Variants in LMBRD2 observed in about 807,000 individuals in gnomAD.
The protein encoded by LMBRD2 is G protein-coupled receptor-associated protein LMBRD2.
A neutral mutation model predicts 94.4 loss-of-function variants in LMBRD2; 55 were observed. The ratio of observed to expected loss-of-function variants is 0.58; its 90% confidence interval spans 0.47 to 0.73. The LOEUF (loss-of-function observed/expected upper bound fraction) is 0.73. Among genes scored for constraint, LMBRD2 ranks in the 30% least tolerant of loss-of-function variants. The pLI, the probability that LMBRD2 is intolerant of heterozygous loss-of-function variation, is 0.00. For missense variants in LMBRD2, 640 were observed against 831.9 expected, an observed-to-expected ratio of 0.77 and a Z score of 2.84; for synonymous variants, 246 against 272.4, an observed-to-expected ratio of 0.90 and a Z score of 0.95.
chr5:36,124,821 G>A (rs1423062459), intron 6 of LMBRD2, among the ~76,000 whole-genome samples: 5 of 152,228 alleles, frequency 3.3e-5, no homozygotes, highest in Non-Finnish European at 7.4e-5. Context: ...GGCTGAGACA[G>A]GTGGATCACT....
chr5:36,119,452 A>G (rs1031565139), intron 9 of LMBRD2, among the ~76,000 whole-genome samples: 3 of 152,092 alleles, frequency 2.0e-5, no homozygotes, highest in African/African-American at 7.2e-5. Context: ...TTCCTTCCTC[A>G]TGCAGCTCAG....
chr5:36,147,966 T>C (rs1744591133), intron 1 of LMBRD2: 3 of 297,202 alleles, frequency 1.0e-5, no homozygotes, highest in South Asian at 8.0e-5. Context: ...GATGAATCAT[T>C]AGGTTCCAAT....
intron 1 of LMBRD2, among the ~76,000 whole-genome samples, chr5:36,144,354 A>C (rs1744488240): frequency 6.6e-6 from 1 of 152,208 alleles, no homozygotes; most frequent in Non-Finnish European, 1.5e-5. Flanking sequence ...GAATTGATTA[A>C]TATCCTAACA....
At chr5:36,128,657 G>A (rs1290431744) in intron 6 of LMBRD2, among the ~76,000 whole-genome samples, 2 of 152,012 alleles carry the variant, frequency 1.3e-5, no homozygotes, top group African/African-American at 4.8e-5. Context: ...TCCAGGAGGT[G>A]GAGACTGCAG....
intron 4 of LMBRD2, chr5:36,140,906 G>C (rs957139294): frequency 2.0e-5 from 8 of 402,480 alleles, no homozygotes; most frequent in Non-Finnish European, 3.6e-5. Context: ...CAGTTTTAGA[G>C]TGCAGTTGTT....
intron 3 of LMBRD2, among the ~76,000 whole-genome samples, chr5:36,142,290 T>C (rs553266064): frequency 5.3e-5 from 8 of 152,344 alleles, no homozygotes; most frequent in African/African-American, 1.9e-4. Flanking sequence ...TACCGTCTAC[T>C]GAAGGGCTTT....
chr5:36,116,347 C>A (rs1743743534), intron 11 of LMBRD2, 113 bp downstream of exon 11: 6 of 931,432 alleles, frequency 6.4e-6, no homozygotes, highest in Middle Eastern at 3.3e-4. Flanking sequence ...AATCAATTAG[C>A]TGATAGAAAT....
At position 36,151,192 on chromosome 5, in the gene LMBRD2, A is replaced by G. The variant is rs1001549757; in HGVS notation, c.-58+364T>C. ...GGCGGCGACGCAAACACACGTAGCC[A>G]GCTGAGCGACAGCAAGCAACCAAAT... On this transcript the variant is annotated intron_variant, in intron 1 of 17. Transcript: ENST00000296603. This position sits in a 1 kb window ranked among gnomAD's most constrained non-coding sequence, Gnocchi z 4.7. 6.6e-6 allele frequency among the ~76,000 whole-genome samples: 1 copy of G among 152,224 alleles called. No individual in the cohort carries two copies. Among genetic ancestry groups the G allele is most frequent in the African/African-American group, 2.4e-5 (1 of 41,446 alleles).
intron 9 of LMBRD2, among the ~76,000 whole-genome samples, chr5:36,121,453 C>G (rs1052303056): frequency 6.6e-6 from 1 of 152,140 alleles, no homozygotes; most frequent in Non-Finnish European, 1.5e-5. Context: ...CACTTTGGTA[C>G]TTGCTTTAAG....
chr5:36,149,284 T>G (rs1363814738), intron 1 of LMBRD2, among the ~76,000 whole-genome samples: 1 of 152,102 alleles, frequency 6.6e-6, no homozygotes, highest in African/African-American at 2.4e-5. Context: ...GTGATAAGGG[T>G]TATGTAAACA....
rs1161291023 is a variant in LMBRD2 at position 36,099,308 on chromosome 5, T to C, written c.*4738A>G. On this transcript the variant is annotated 3_prime_UTR_variant, in exon 18 of 18. Coordinates refer to ENST00000296603, the MANE Select transcript of LMBRD2 (RefSeq NM_001007527.2). ...AGTGAGAACATCAATATTAGAGCTC[T>C]GTTGTATCATTCAATGTTATAATTT... The C allele has an allele frequency of 6.6e-6, 1 of 152,166 alleles. No homozygotes were observed. Among genetic ancestry groups the C allele is most frequent in the Admixed American group, 6.5e-5 (1 of 15,272 alleles). 9.4% of individuals were successfully genotyped at this position (152,166 alleles called of 1,614,324 possible). A position where few individuals can be genotyped will look rare whatever the true frequency, so the allele number is the denominator to read the frequency against.
chr5:36,110,024 TA>T, intron 14 of LMBRD2, 33 bp from the exon 15 acceptor site: 1 of 1,537,120 alleles, frequency 6.5e-7, no homozygotes, highest in Non-Finnish European at 9.0e-7. Context: ...AAATATGGCA[TA>T]ACATGGTTTA....
At chr5:36,114,135 T>C (rs1022655792) in intron 13 of LMBRD2, among the ~76,000 whole-genome samples, 7 of 152,194 alleles carry the variant, frequency 4.6e-5, no homozygotes, top group African/African-American at 7.2e-5. Flanking sequence ...GGCCAGGACT[T>C]AGAGTTAACA....
intron 17 of LMBRD2, among the ~76,000 whole-genome samples, chr5:36,104,530 C>G (rs753211213): frequency 6.6e-6 from 1 of 152,004 alleles, no homozygotes; most frequent in African/African-American, 2.4e-5. Flanking sequence ...GCTAAAAGTA[C>G]AGACTCTGTA....
chr5:36,103,390 A>C lies in LMBRD2; in HGVS notation c.*656T>G, dbSNP rs1013939298. 6.6e-6 allele frequency: 1 copy of C among 152,336 alleles called. No homozygotes were observed. Among genetic ancestry groups the C allele is most frequent in the African/African-American group, 2.4e-5 (1 of 41,426 alleles). The allele number at this position is 152,336 out of a possible 1,614,324, so 9.4% of individuals were successfully genotyped here. A position where few individuals can be genotyped will look rare whatever the true frequency, so the allele number is the denominator to read the frequency against. ...ACTACAAAGACTGAAGGAATACTAT[A>C]TCACCTGATTATAGTACACATGCTA... On this transcript the variant is annotated 3_prime_UTR_variant, in exon 18 of 18. Transcript: ENST00000296603.
At position 36,123,077 on chromosome 5, in the gene LMBRD2, T is replaced by G. The variant is rs1036781004; in HGVS notation, c.823-116A>C. 1.6e-5 allele frequency: 17 copies of G among 1,060,404 alleles called. No homozygotes were observed. The East Asian group carries it at 5.5e-4, about 34-fold the overall frequency. The allele number at this position is 1,060,404 out of a possible 1,614,324, so 65.7% of individuals were successfully genotyped here. On this transcript the variant is annotated intron_variant, in intron 7 of 17. Coordinates refer to ENST00000296603, the MANE Select transcript of LMBRD2 (RefSeq NM_001007527.2). ...TCTAATTTTCTCAAAAACATCTTCC[T>G]ACTTTATTGTCATCTCTAGTTAGAC...
At chr5:36,129,769 A>G (rs1283878971) in intron 6 of LMBRD2, among the ~76,000 whole-genome samples, 2 of 152,218 alleles carry the variant, frequency 1.3e-5, no homozygotes, top group Non-Finnish European at 2.9e-5. Flanking sequence ...AGACAAACCA[A>G]TGAAAAATAA....
chr5:36,122,084 G>A (rs939346644), intron 9 of LMBRD2, among the ~76,000 whole-genome samples, 196 bp downstream of exon 9: 2 of 152,134 alleles, frequency 1.3e-5, no homozygotes, highest in Non-Finnish European at 2.9e-5. Context: ...TGAAGTAACA[G>A]TGGAAACTGA....
intron 6 of LMBRD2, among the ~76,000 whole-genome samples, chr5:36,130,738 A>G (rs1042383786): frequency 2.0e-5 from 3 of 152,184 alleles, no homozygotes; most frequent in Non-Finnish European, 4.4e-5. Context: ...TGGAAAACCT[A>G]GAAGAAATGG....
Sources: allele counts gnomAD v4.1 joint callset (sites outside exome capture counted in the v4.1 genomes callset), GRCh38; gene constraint gnomAD v4.1.1; non-coding constraint Gnocchi (gnomAD v3.1); transcripts MANE v1.5; gene names NCBI Gene and HGNC (gene_info 2026-07-23, HGNC 2026-07-21).